The following COPS2 variants were observed in gnomAD, a reference collection of about 807,000 sequenced individuals.
COPS2 encodes COP9 signalosome complex subunit 2.
COPS2 carries 10 observed loss-of-function variants against 66.1 expected under a neutral mutation model. The ratio of observed to expected loss-of-function variants is 0.15; its 90% confidence interval spans 0.09 to 0.26. The LOEUF (loss-of-function observed/expected upper bound fraction) is 0.26. Ranked by LOEUF, COPS2 falls within the 10% of genes least tolerant of loss-of-function variation. COPS2 has a pLI of 1.00. For missense variants in COPS2, 215 were observed against 513.3 expected (o/e 0.42, Z 5.62); for synonymous variants, 179 against 171.3 (o/e 1.04, Z -0.35).
At chr15:49,145,133 A>G in intron 1 of COPS2, 55 bp from the exon 2 acceptor site, 1 of 941,606 alleles carries the variant, frequency 1.1e-6, no homozygotes, top group Non-Finnish European at 1.6e-6. Context: ...ACCCACACGT[A>G]GCAACGTAAA....
At chr15:49,152,684 G>T (rs1237432692) in intron 1 of COPS2, among the ~76,000 whole-genome samples, 1 of 152,210 alleles carries the variant, frequency 6.6e-6, no homozygotes, top group East Asian at 1.9e-4. Context: ...TTAGTCAGGT[G>T]TGGTGGCAGG....
intron 1 of COPS2, among the ~76,000 whole-genome samples, chr15:49,154,777 T>C (rs1007465528): frequency 1.3e-5 from 2 of 152,222 alleles, no homozygotes; most frequent in Non-Finnish European, 2.9e-5. Context: ...AATTCGTTTA[T>C]TTCTATGCTG....
chr15:49,139,476 C>G (rs1159922511), intron 4 of COPS2, 52 bp downstream of exon 4: 1 of 1,450,542 alleles, frequency 6.9e-7, no homozygotes, highest in Non-Finnish European at 9.6e-7. Context: ...AAAGCCCTTA[C>G]TATAAATAAT....
At chr15:49,139,374 C>A (rs2084275164) in intron 4 of COPS2, 154 bp downstream of exon 4, 1 of 596,754 alleles carries the variant, frequency 1.7e-6, no homozygotes, top group Admixed American at 3.3e-5. Context: ...AGTAATATAA[C>A]CAGGAAAATA....
intron 9 of COPS2, among the ~76,000 whole-genome samples, chr15:49,131,050 G>C: frequency 6.6e-6 from 1 of 151,998 alleles, no homozygotes; most frequent in Middle Eastern, 3.4e-3. Context: ...ATCTTCTTTT[G>C]GGGTTATATA....
chr15:49,137,601 G>A lies in COPS2; in HGVS notation c.373-164C>T, dbSNP rs1239073861. On this transcript the variant is annotated intron_variant, in intron 4 of 12. Transcript: ENST00000388901. ...CAGTCCAAAAAATTAACAAACTGAAGCAAAATACAGACCAAATTTACAAGT... is the reference window on the plus strand; with the variant it reads ...CAGTCCAAAAAATTAACAAACTGAAACAAAATACAGACCAAATTTACAAGT... The A allele has an allele frequency of 7.1e-6, 4 of 565,042 alleles. No individual in the cohort carries two copies. In the Admixed American group the frequency reaches 1.3e-4, roughly 18 times the overall value. The allele number at this position is 565,042 out of a possible 1,614,324, so 35.0% of individuals were successfully genotyped here. A position where few individuals can be genotyped will look rare whatever the true frequency, so the allele number is the denominator to read the frequency against.
chr15:49,147,063 T>C (rs1308736916), intron 1 of COPS2, among the ~76,000 whole-genome samples: 3 of 152,154 alleles, frequency 2.0e-5, no homozygotes, highest in Non-Finnish European at 4.4e-5. Flanking sequence ...GGGTATTCTT[T>C]AGGGAAGACT....
intron 9 of COPS2, 95 bp from the exon 10 acceptor site, chr15:49,130,911 C>A: frequency 7.5e-6 from 4 of 534,372 alleles, no homozygotes; most frequent in South Asian, 3.2e-5. Context: ...CTTTCATATG[C>A]AAAAATCTAA....
intron 4 of COPS2, among the ~76,000 whole-genome samples, chr15:49,138,222 T>C (rs1452573338): frequency 4.6e-5 from 7 of 152,084 alleles, no homozygotes; most frequent in Admixed American, 2.6e-4. Context: ...CCCACCCTCT[T>C]CCCCCCGCTT....
chr15:49,147,235 T>C (rs889879045), intron 1 of COPS2, among the ~76,000 whole-genome samples: 9 of 152,162 alleles, frequency 5.9e-5, no homozygotes, highest in Admixed American at 2.6e-4. Flanking sequence ...TTGAATAAGA[T>C]AGAGGAATAG....
chr15:49,133,713 G>A (rs2084232211), intron 9 of COPS2, 46 bp downstream of exon 9: 1 of 1,350,848 alleles, frequency 7.4e-7, no homozygotes, highest in East Asian at 2.3e-5. Flanking sequence ...TTTCCTTTAT[G>A]AACTGCTTTA....
intron 1 of COPS2, among the ~76,000 whole-genome samples, chr15:49,149,265 CTGCT>C (rs1170204270): frequency 6.6e-6 from 1 of 152,210 alleles, no homozygotes; most frequent in Non-Finnish European, 1.5e-5. Flanking sequence ...TTTTAAATCT[CTGCT>C]TTGGCATAAA....
intron 1 of COPS2, among the ~76,000 whole-genome samples, chr15:49,150,212 C>A (rs2084348793): frequency 6.8e-6 from 1 of 146,366 alleles, no homozygotes; most frequent in South Asian, 2.1e-4. Flanking sequence ...CACGCCACTG[C>A]ACTCCAGCCT....
rs1167857006 is a variant in COPS2, at chr15:49,126,216, AT to A, written c.*1733del. On this transcript the variant is annotated 3_prime_UTR_variant, in exon 13 of 13. Transcript: ENST00000388901. ...TAAACTTTTATTCCCTACCATAGAC[AT>A]TTTGTCTTTTGTTTTCTTTCCGTTT... The A allele has an allele frequency of 6.6e-6, 1 of 152,378 alleles. No homozygotes were observed. The highest frequency in any genetic ancestry group is 1.9e-4 in the East Asian group (1 of 5,200). The allele number at this position is 152,378 out of a possible 1,614,324, so 9.4% of individuals were successfully genotyped here.
chr15:49,142,671 G>A (rs2084296603), intron 3 of COPS2, among the ~76,000 whole-genome samples: 1 of 152,154 alleles, frequency 6.6e-6, no homozygotes, highest in Non-Finnish European at 1.5e-5. Context: ...TAAGATTCAT[G>A]TTTGTACCTA....
At chr15:49,130,090 T>C (rs910528534) in intron 10 of COPS2, among the ~76,000 whole-genome samples, 1 of 152,170 alleles carries the variant, frequency 6.6e-6, no homozygotes. Context: ...AAATGTCTGT[T>C]GATTAAAAGA....
intron 8 of COPS2, 26 bp downstream of exon 8, chr15:49,133,904 G>A: frequency 6.4e-7 from 1 of 1,573,696 alleles, no homozygotes; most frequent in South Asian, 1.2e-5. Context: ...GCTGATAAGA[G>A]AAATTAACAA....
At chr15:49,134,749 T>C (rs1396259738) in intron 6 of COPS2, among the ~76,000 whole-genome samples, 1 of 152,218 alleles carries the variant, frequency 6.6e-6, no homozygotes, top group Non-Finnish European at 1.5e-5. Context: ...GTTTTTTTTA[T>C]AGTAGTCCTT....
rs1381124878 is a variant in COPS2 at position 49,126,516 on chromosome 15, A to G, written c.*1434T>C. 2 of 152,442 alleles carry G rather than the reference A, an allele frequency of 1.3e-5. No homozygotes were observed. The highest frequency in any genetic ancestry group is 2.9e-5 in the Non-Finnish European group (2 of 67,938). 9.4% of individuals were successfully genotyped at this position (152,442 alleles called of 1,614,324 possible). ...TTCTGAACTGCCACCCAGTTTTTAC[A>G]TAATAATAACAAGCAATAGAAAAAC... On this transcript the variant is annotated 3_prime_UTR_variant, in exon 13 of 13. Coordinates refer to ENST00000388901, the MANE Select transcript of COPS2 (RefSeq NM_004236.4).
Sources: gnomAD v4.1 joint callset for allele counts (sites outside exome capture counted in the v4.1 genomes callset) on GRCh38, gnomAD v4.1.1 for gene constraint, MANE v1.5 for transcripts, NCBI Gene and HGNC (gene_info 2026-07-23, HGNC 2026-07-21) for gene names.